Variants in NCLN observed in about 807,000 individuals in gnomAD.
NCLN encodes the protein BOS complex subunit NCLN.
NCLN carries 34 observed loss-of-function variants against 69.5 expected under a neutral mutation model. The ratio of observed to expected loss-of-function variants is 0.49; its 90% confidence interval spans 0.37 to 0.65. NCLN has a LOEUF of 0.65. Among genes scored for constraint, NCLN ranks in the 30% least tolerant of loss-of-function variants. The pLI is 0.00. For missense variants in NCLN, 710 were observed against 804.8 expected (o/e 0.88, Z 1.42); for synonymous variants, 393 against 358.3 (o/e 1.10, Z -1.09).
At position 3,205,304 on chromosome 19, in the gene NCLN, C is replaced by T. The variant is rs990075941; in HGVS notation, c.1208+553C>T. Among the ~76,000 whole-genome samples, 2 of 152,306 alleles carry T rather than the reference C, an allele frequency of 1.3e-5. No homozygotes were observed. The highest frequency in any genetic ancestry group is 2.9e-5 in the Non-Finnish European group (2 of 68,028). ...AGTCCTGGCACCAGCAGGTGGGCGCCGTCTCCTCCCCCAGCGCCCGCAGTC... is the reference window on the plus strand; with the variant it reads ...AGTCCTGGCACCAGCAGGTGGGCGCTGTCTCCTCCCCCAGCGCCCGCAGTC... On this transcript the variant is annotated intron_variant, in intron 9 of 14. Coordinates refer to ENST00000246117, the MANE Select transcript of NCLN (RefSeq NM_020170.4). This position sits in a 1 kb window ranked among gnomAD's most constrained non-coding sequence, Gnocchi z 4.6.
At position 3,186,278 on chromosome 19, in the gene NCLN, C is replaced by T. The variant is rs556076922; in HGVS notation, c.184+64C>T. 61 of 1,387,400 alleles carry T rather than the reference C, an allele frequency of 4.4e-5. 1 individual carries two copies. The South Asian group carries it at 8.7e-4, about 20-fold the overall frequency. 85.9% of individuals were successfully genotyped at this position (1,387,400 alleles called of 1,614,324 possible). A position where few individuals can be genotyped will look rare whatever the true frequency, so the allele number is the denominator to read the frequency against. ...CCCCGGCCACGCCACTCCGGCCCGG[C>T]GATCCCCAGGCCGATCCCTAGCTCC... On this transcript the variant is annotated intron_variant, in intron 1 of 14. Coordinates refer to ENST00000246117, the MANE Select transcript of NCLN (RefSeq NM_020170.4).
intron 6 of NCLN, among the ~76,000 whole-genome samples, chr19:3,202,374 C>T (rs1916148550): frequency 6.6e-6 from 1 of 152,150 alleles, no homozygotes; most frequent in African/African-American, 2.4e-5. Flanking sequence ...CTGTGGATGT[C>T]TTCTGTGCAT....
At chr19:3,206,456 C>G (rs1916274557) in intron 12 of NCLN, 31 bp downstream of exon 12, 1 of 1,530,068 alleles carries the variant, frequency 6.5e-7, no homozygotes, top group Non-Finnish European at 8.8e-7. Context: ...TGGCCCCGTT[C>G]AGCCTGGGGC....
At chr19:3,207,078 C>A in intron 12 of NCLN, 120 bp from the exon 13 acceptor site, 1 of 1,149,876 alleles carries the variant, frequency 8.7e-7, no homozygotes, top group Non-Finnish European at 1.3e-6. Flanking sequence ...CCTGCCTCAA[C>A]CTCCCAAAGT....
chr19:3,192,287 C>T (rs1915845058), intron 1 of NCLN, among the ~76,000 whole-genome samples, 183 bp from the exon 2 acceptor site: 1 of 125,096 alleles, frequency 8.0e-6, no homozygotes, highest in Non-Finnish European at 1.8e-5. Context: ...GTTCATGGCC[C>T]CTGTGACCCG....
intron 1 of NCLN, among the ~76,000 whole-genome samples, chr19:3,189,740 T>C (rs1174852654): frequency 6.6e-6 from 1 of 152,210 alleles, no homozygotes; most frequent in Non-Finnish European, 1.5e-5. Flanking sequence ...ACCCTGGCCC[T>C]CGAGGGAGGC....
In NCLN at chr19:3,207,165, G is replaced by T. The variant is rs753735679; in HGVS notation, c.1500-33G>T. ...CTTTTTTAAGAATTAGCTGGGCGCAGTGGTGCCCCCTGAGAAAGTGCTCTC... is the reference window on the plus strand; with the variant it reads ...CTTTTTTAAGAATTAGCTGGGCGCATTGGTGCCCCCTGAGAAAGTGCTCTC... On this transcript the variant is annotated intron_variant, in intron 12 of 14. Transcript: ENST00000246117. 11 of 1,612,406 alleles carry T rather than the reference G, an allele frequency of 6.8e-6. 1 individual carries two copies. The highest frequency in any genetic ancestry group is 1.7e-4 in the Middle Eastern group (1 of 6,060).
chr19:3,193,266 T>G lies in NCLN; in HGVS notation c.376-18T>G. Reference sequence around the variant, plus strand: ...CCCACCAGGCCAGCAGCCCCCTAAGTGTGTGTCTGCTCCACAGCAATTCAT... The same window carrying G: ...CCCACCAGGCCAGCAGCCCCCTAAGGGTGTGTCTGCTCCACAGCAATTCAT... On this transcript the variant is annotated intron_variant, in intron 2 of 14. Coordinates refer to ENST00000246117, the MANE Select transcript of NCLN (RefSeq NM_020170.4). 2 of 1,595,516 alleles carry G rather than the reference T, an allele frequency of 1.3e-6. No individual in the cohort carries two copies. The highest frequency in any genetic ancestry group is 1.7e-6 in the Non-Finnish European group (2 of 1,174,664).
chr19:3,194,653 A>G (rs1250813867), intron 3 of NCLN, among the ~76,000 whole-genome samples: 1 of 152,154 alleles, frequency 6.6e-6, no homozygotes, highest in Non-Finnish European at 1.5e-5. Flanking sequence ...AAAAGTCTTG[A>G]CAGTGGCCAT....
intron 6 of NCLN, among the ~76,000 whole-genome samples, chr19:3,203,007 C>A (rs1916166910): frequency 6.6e-6 from 1 of 152,108 alleles, no homozygotes; most frequent in African/African-American, 2.4e-5. Context: ...CTTCTAATAG[C>A]CAAGGCTGTG....
chr19:3,203,861 G>T lies in NCLN; in HGVS notation c.889+17G>T, dbSNP rs762841027. 1.9e-6 allele frequency: 3 copies of T among 1,608,692 alleles called. No homozygotes were observed. The highest frequency in any genetic ancestry group is 2.2e-5 in the East Asian group (1 of 44,712). On this transcript the variant is annotated intron_variant, in intron 7 of 14. Coordinates refer to ENST00000246117, the MANE Select transcript of NCLN (RefSeq NM_020170.4). ...ACCACACAGGTGAGCGGCCCCGGGT[G>T]GGGGTGGGGGTGCCGCGGTGGTGGT...
intron 1 of NCLN, among the ~76,000 whole-genome samples, chr19:3,188,161 G>A (rs1915718721): frequency 2.0e-5 from 3 of 152,076 alleles, no homozygotes; most frequent in African/African-American, 7.2e-5. Flanking sequence ...GGCATCTCCT[G>A]CCTGGTCCTC....
At position 3,198,854 on chromosome 19, in the gene NCLN, C is replaced by T. The variant is rs991702846; in HGVS notation, c.653C>T (p.Thr218Ile). The T allele has an allele frequency of 6.4e-6, 10 of 1,569,118 alleles. No homozygotes were observed. Among genetic ancestry groups the T allele is most frequent in the Non-Finnish European group, 8.6e-6 (10 of 1,158,122 alleles). ...GGGCTGGGCGGAGAGGACCTTCCCA[C>T]CATCGTCATCGTGGCCCACTACGAC... ...LTGLGGEDLP[T>I]IVIVAHYDAF... Residue 218 changes from threonine (T) to isoleucine (I), a missense_variant, in exon 5 of 15, where the codon ACC becomes ATC. Transcript: ENST00000246117.
In NCLN at chr19:3,198,868, G is replaced by A. The variant is rs1056047751; in HGVS notation, c.667G>A (p.Ala223Thr). The A allele has an allele frequency of 1.3e-6, 2 of 1,562,348 alleles. No individual in the cohort carries two copies. Among genetic ancestry groups the A allele is most frequent in the Non-Finnish European group, 1.7e-6 (2 of 1,154,400 alleles). The stretch of plus-strand genomic sequence containing the variant: ...GGACCTTCCCACCATCGTCATCGTG[G>A]CCCACTACGACGCCTTTGGAGTGGC... ...GEDLPTIVIV[A>T]HYDAFGVAPW... Residue 223 changes from alanine (A) to threonine (T), a missense_variant, in exon 5 of 15, where the codon GCC becomes ACC. Transcript: ENST00000246117.
intron 6 of NCLN, among the ~76,000 whole-genome samples, chr19:3,202,748 CTTG>C (rs757901025): frequency 2.3e-5 from 3 of 129,534 alleles, no homozygotes; most frequent in Non-Finnish European, 5.1e-5. Context: ...CCAGCCAAAA[CTTG>C]TTTTTTTTTT....
At chr19:3,193,182 C>G (rs538197) in intron 2 of NCLN, 102 bp from the exon 3 acceptor site, 457,699 of 1,018,690 alleles carry the variant, frequency 0.45, 108,166 homozygotes, top group East Asian at 0.62. Flanking sequence ...GGGACAGTCA[C>G]TGGGCCCCCT....
intron 2 of NCLN, among the ~76,000 whole-genome samples, chr19:3,193,064 G>A (rs1915869956): frequency 7.3e-6 from 1 of 137,100 alleles, no homozygotes; most frequent in South Asian, 2.6e-4. Flanking sequence ...GGGGTGGGTG[G>A]GTTGGGGGAA....
chr19:3,186,073 G>A lies in NCLN; in HGVS notation c.43G>A (p.Ala15Thr), dbSNP rs1393414765. The A allele has an allele frequency of 1.9e-6, 3 of 1,597,946 alleles. No homozygotes were observed. Among genetic ancestry groups the A allele is most frequent in the Non-Finnish European group, 2.6e-6 (3 of 1,174,410 alleles). The change falls in exon 1 of 15, where the codon GCG becomes ACG. Residue 15 changes from alanine to threonine, a missense_variant. Ala to Thr is a moderately conservative substitution (Grantham distance 58). Transcript: ENST00000246117. ...CGAGGTGCTGGAGAACATGCTGAAGGCGTCTTGTCTGCCGCTCGGCTTCAT... is the reference window on the plus strand; with the variant it reads ...CGAGGTGCTGGAGAACATGCTGAAGACGTCTTGTCTGCCGCTCGGCTTCAT... ...AGEVLENMLK[A>T]SCLPLGFIVF...
intron 4 of NCLN, among the ~76,000 whole-genome samples, chr19:3,196,509 G>A (rs920604825): frequency 4.6e-5 from 7 of 151,476 alleles, no homozygotes; most frequent in African/African-American, 1.2e-4. Flanking sequence ...GCCAGCCCCC[G>A]GCCCATCTCC....
Sources: gnomAD v4.1 joint callset for allele counts (sites outside exome capture counted in the v4.1 genomes callset) on GRCh38, gnomAD v4.1.1 for gene constraint, Gnocchi (gnomAD v3.1) non-coding constraint, MANE v1.5 for transcripts, NCBI Gene and HGNC (gene_info 2026-07-23, HGNC 2026-07-21) for gene names.